Variants in BAALC observed in about 807,000 individuals in gnomAD.
BAALC encodes brain and acute leukemia cytoplasmic protein.
BAALC carries 9 observed loss-of-function variants against 15.5 expected under a neutral mutation model. That is an observed-to-expected ratio of 0.58 (90% CI 0.35 to 1.02). The LOEUF (loss-of-function observed/expected upper bound fraction) is 1.02, where lower values mean the gene tolerates loss of function less well. Among genes scored for constraint, BAALC ranks in the 50% least tolerant of loss-of-function variants. The pLI, the probability that BAALC is intolerant of heterozygous loss-of-function variation, is 0.02. For synonymous variants in BAALC, 80 were observed against 74.6 expected, an observed-to-expected ratio of 1.07 and a Z score of -0.37; for missense variants, 201 against 192.4, an observed-to-expected ratio of 1.04 and a Z score of -0.27.
chr8:103,163,941 C>T (rs552194157), intron 1 of BAALC, among the ~76,000 whole-genome samples: 94 of 152,298 alleles, frequency 6.2e-4, no homozygotes, highest in African/African-American at 2.0e-3. Flanking sequence ...CAAGATTCTT[C>T]TCTCAGAGCT....
intron 2 of BAALC, among the ~76,000 whole-genome samples, chr8:103,218,255 T>G (rs929938907): frequency 6.6e-6 from 1 of 152,232 alleles, no homozygotes; most frequent in Non-Finnish European, 1.5e-5. Flanking sequence ...GGCAAGAAGA[T>G]TGTGGCAAAA....
intron 2 of BAALC, among the ~76,000 whole-genome samples, chr8:103,215,451 ACAAAACACAG>A (rs1217309840): frequency 2.0e-5 from 3 of 148,648 alleles, no homozygotes; most frequent in Non-Finnish European, 4.4e-5. Context: ...ATGCTGCATA[ACAAAACACAG>A]CAACATTCAG....
At chr8:103,203,611 C>T (rs1017117939) in intron 1 of BAALC, among the ~76,000 whole-genome samples, 6 of 152,170 alleles carry the variant, frequency 3.9e-5, no homozygotes, top group African/African-American at 1.4e-4. Context: ...CCCAGCCCTA[C>T]ATAACCACTA....
At chr8:103,141,327 C>G in intron 1 of BAALC, 1 of 385,980 alleles carries the variant, frequency 2.6e-6, no homozygotes, top group Non-Finnish European at 4.6e-6. Flanking sequence ...GCTCGCTGGT[C>G]GGGAGACCGG....
intron 1 of BAALC, among the ~76,000 whole-genome samples, chr8:103,181,591 C>G (rs948134293): frequency 1.3e-5 from 2 of 152,072 alleles, no homozygotes; most frequent in African/African-American, 4.8e-5. Flanking sequence ...TTTAGGTAAC[C>G]CCATGCCGCT....
chr8:103,194,833 C>CA (rs1264769178), intron 1 of BAALC, among the ~76,000 whole-genome samples: 3 of 151,994 alleles, frequency 2.0e-5, no homozygotes, highest in African/African-American at 7.2e-5. Flanking sequence ...GGTGGAAGAG[C>CA]AAAAAATGGC....
intron 1 of BAALC, among the ~76,000 whole-genome samples, chr8:103,190,681 C>T (rs963699236): frequency 1.1e-4 from 17 of 152,090 alleles, no homozygotes; most frequent in Admixed American, 2.6e-4. Flanking sequence ...AATGGCACTC[C>T]GGGACTAGAC....
chr8:103,147,548 C>A (rs148863913), intron 1 of BAALC, among the ~76,000 whole-genome samples: 2 of 152,182 alleles, frequency 1.3e-5, no homozygotes, highest in Admixed American at 1.3e-4. Context: ...CTTTTCCTGG[C>A]TCATTCTGCA....
intron 1 of BAALC, among the ~76,000 whole-genome samples, chr8:103,207,434 G>C (rs1331497464): frequency 6.6e-6 from 1 of 152,122 alleles, no homozygotes; most frequent in Non-Finnish European, 1.5e-5. Flanking sequence ...GAGTCTCTAG[G>C]GGTAAAAAAT....
chr8:103,153,957 C>G (rs530284176), intron 1 of BAALC, among the ~76,000 whole-genome samples: 7 of 152,268 alleles, frequency 4.6e-5, no homozygotes, highest in African/African-American at 1.7e-4. Flanking sequence ...TGCACCCTTC[C>G]TAAGAGGAAT....
chr8:103,143,231 C>A (rs1239458052), intron 1 of BAALC, among the ~76,000 whole-genome samples: 4 of 152,080 alleles, frequency 2.6e-5, no homozygotes, highest in Non-Finnish European at 5.9e-5. Context: ...GTTTCAGCCA[C>A]CCTGGGAGAC....
intron 1 of BAALC, among the ~76,000 whole-genome samples, chr8:103,178,471 C>G (rs1258788231): frequency 6.6e-6 from 1 of 152,178 alleles, no homozygotes; most frequent in African/African-American, 2.4e-5. Flanking sequence ...TACTACAATT[C>G]TGTAAGATGT....
At chr8:103,176,804 T>G (rs1480088391) in intron 1 of BAALC, among the ~76,000 whole-genome samples, 1 of 152,188 alleles carries the variant, frequency 6.6e-6, no homozygotes, top group African/African-American at 2.4e-5. Context: ...GGGAAATTTT[T>G]CATTTTGCCC....
chr8:103,202,812 C>G (rs549678538), intron 1 of BAALC: 4 of 152,370 alleles, frequency 2.6e-5, no homozygotes, highest in African/African-American at 9.6e-5. Flanking sequence ...CTTGAAGAAT[C>G]TGCTCTGTGG....
chr8:103,226,490 C>T (rs1383902321), intron 2 of BAALC, among the ~76,000 whole-genome samples: 1 of 152,182 alleles, frequency 6.6e-6, no homozygotes, highest in Non-Finnish European at 1.5e-5. Flanking sequence ...TGGAATGGGG[C>T]TGGGCAGCAA....
At chr8:103,197,759 G>A (rs1323257223) in intron 1 of BAALC, among the ~76,000 whole-genome samples, 2 of 151,974 alleles carry the variant, frequency 1.3e-5, no homozygotes, top group East Asian at 3.9e-4. Flanking sequence ...AAGAGTGGTG[G>A]GGGAGGTGCC....
chr8:103,182,786 A>T (rs1811755463), intron 1 of BAALC, among the ~76,000 whole-genome samples: 1 of 152,170 alleles, frequency 6.6e-6, no homozygotes, highest in African/African-American at 2.4e-5. Context: ...TGACAGAATG[A>T]CCTACCAGGC....
chr8:103,147,869 G>C (rs1810910332), intron 1 of BAALC, among the ~76,000 whole-genome samples: 1 of 152,148 alleles, frequency 6.6e-6, no homozygotes, highest in Non-Finnish European at 1.5e-5. Flanking sequence ...GAGCAGACTC[G>C]AGGGGTTTAC....
intron 2 of BAALC, among the ~76,000 whole-genome samples, chr8:103,219,305 C>A (rs764544984): frequency 6.6e-6 from 1 of 152,162 alleles, no homozygotes; most frequent in Non-Finnish European, 1.5e-5. Context: ...GGGTTATGAA[C>A]CTAACAGGTA....
Sources: gnomAD v4.1 joint callset for allele counts (sites outside exome capture counted in the v4.1 genomes callset) on GRCh38, gnomAD v4.1.1 for gene constraint, MANE v1.5 for transcripts, NCBI Gene and HGNC (gene_info 2026-07-23, HGNC 2026-07-21) for gene names.